DNAJC5B: variants seen among roughly 807,000 people sequenced by gnomAD.
DNAJC5B encodes the protein dnaJ homolog subfamily C member 5B.
Under a neutral mutation model 24.7 loss-of-function variants are expected in DNAJC5B, and 23 were observed. The observed-to-expected ratio is 0.93, with a 90% confidence interval of 0.67 to 1.32. DNAJC5B has a LOEUF of 1.32. DNAJC5B is among the 40% of genes most tolerant of loss of function. The probability of loss-of-function intolerance (pLI) is 0.00; values close to 1 mark genes in which losing one functional copy is unlikely to be tolerated. For missense variants in DNAJC5B, 238 were observed against 240.8 expected, an observed-to-expected ratio of 0.99 and a Z score of 0.08; for synonymous variants, 101 against 90.1, an observed-to-expected ratio of 1.12 and a Z score of -0.68.
Position 66,022,810 on chromosome 8 carries a change from A to G in DNAJC5B, c.-142+1105A>G, listed in dbSNP as rs192787798. ...CATAGCACACATTCAACTTCTGTACAGAAGTCACTGTGATTTTCACAATTA... is the reference window on the plus strand; with the variant it reads ...CATAGCACACATTCAACTTCTGTACGGAAGTCACTGTGATTTTCACAATTA... On this transcript the variant is annotated intron_variant, in intron 1 of 5. Transcript: ENST00000276570. 5.9e-5 allele frequency among the ~76,000 whole-genome samples: 9 copies of G among 152,366 alleles called. No homozygotes were observed. The East Asian group carries it at 7.7e-4, about 13-fold the overall frequency.
intron 1 of DNAJC5B, among the ~76,000 whole-genome samples, chr8:66,022,410 T>C (rs1464036101): frequency 1.3e-5 from 2 of 152,150 alleles, no homozygotes; most frequent in Non-Finnish European, 1.5e-5. Context: ...CTCATCCCCA[T>C]GTGGACTCCC....
At chr8:66,097,768 T>C (rs867082934) in intron 5 of DNAJC5B, among the ~76,000 whole-genome samples, 4 of 152,314 alleles carry the variant, frequency 2.6e-5, no homozygotes, top group Middle Eastern at 3.4e-3. Flanking sequence ...TTTCAATATG[T>C]TTTAGCTTCA....
At chr8:66,049,476 T>C (rs1806798476) in intron 2 of DNAJC5B, among the ~76,000 whole-genome samples, 1 of 152,222 alleles carries the variant, frequency 6.6e-6, no homozygotes, top group Non-Finnish European at 1.5e-5. Flanking sequence ...AAAAGTCGCC[T>C]ACAATACTCA....
chr8:66,027,338 A>G (rs1364587846), intron 1 of DNAJC5B, among the ~76,000 whole-genome samples: 2 of 152,196 alleles, frequency 1.3e-5, no homozygotes, highest in Admixed American at 1.3e-4. Context: ...TCTGGCCACC[A>G]TAATACTTGG....
At chr8:66,051,761 C>A in intron 3 of DNAJC5B, 95 bp downstream of exon 3, 2 of 882,286 alleles carry the variant, frequency 2.3e-6, no homozygotes, top group Non-Finnish European at 3.6e-6. Flanking sequence ...CTCACTAAGA[C>A]CAGTAATCCA....
At chr8:66,044,111 G>A (rs185673194) in intron 2 of DNAJC5B, among the ~76,000 whole-genome samples, 15 of 152,216 alleles carry the variant, frequency 9.9e-5, no homozygotes, top group Admixed American at 6.5e-4. Flanking sequence ...GTGCGAGCCC[G>A]GCCAAGAGCA....
rs775946389 is a variant in DNAJC5B, at chr8:66,076,863, G to A, written c.323G>A (p.Trp108Ter). ...NVNTYFMLSS[W>*]WAKALFVIVG... ...AACACCTACTTCATGCTGTCGAGCTGGTGGGCAAAGGTGAAACTGAATTTC... is the reference window on the plus strand; with the variant it reads ...AACACCTACTTCATGCTGTCGAGCTAGTGGGCAAAGGTGAAACTGAATTTC... The change falls in exon 4 of 6, where the codon TGG becomes TAG. Residue 108 changes from tryptophan (W) to a stop codon, truncating the protein, a stop_gained. Transcript: ENST00000276570. LOFTEE classifies it high-confidence loss of function. The A allele has an allele frequency of 1.9e-6, 3 of 1,614,070 alleles. No homozygotes were observed. Among genetic ancestry groups the A allele is most frequent in the Non-Finnish European group, 2.5e-6 (3 of 1,179,978 alleles).
chr8:66,077,577 G>A lies in DNAJC5B; in HGVS notation c.333+704G>A, dbSNP rs190559763. Among the ~76,000 whole-genome samples, 38 of 152,234 alleles carry A rather than the reference G, an allele frequency of 2.5e-4. 1 individual carries two copies. The East Asian group carries it at 4.2e-3, about 17-fold the overall frequency. On this transcript the variant is annotated intron_variant, in intron 4 of 5. Coordinates refer to ENST00000276570, the MANE Select transcript of DNAJC5B (RefSeq NM_033105.6). ...GTGAATATTAATATCCTTATCTTCT[G>A]ATAAAACTATGTTTACACATGGGTC... is the stretch of plus-strand genomic sequence containing the variant.
intron 3 of DNAJC5B, among the ~76,000 whole-genome samples, chr8:66,052,831 A>G (rs56242306): frequency 0.014 from 2,181 of 152,300 alleles, 26 homozygotes; most frequent in Non-Finnish European, 0.022. Context: ...TAGTTGGAGG[A>G]AGAAAGATGT....
chr8:66,095,757 A>G (rs1207721318), intron 5 of DNAJC5B, among the ~76,000 whole-genome samples: 1 of 148,230 alleles, frequency 6.7e-6, no homozygotes, highest in Non-Finnish European at 1.5e-5. Context: ...TTCTATTATG[A>G]TTTTTTCTTT....
intron 2 of DNAJC5B, 59 bp from the exon 3 acceptor site, chr8:66,051,472 C>A: frequency 1.0e-6 from 1 of 960,588 alleles, no homozygotes; most frequent in Non-Finnish European, 1.6e-6. Context: ...GAGCTGTCTT[C>A]CCCTTTAGAG....
At chr8:66,066,245 G>A (rs1807190602) in intron 3 of DNAJC5B, among the ~76,000 whole-genome samples, 1 of 152,156 alleles carries the variant, frequency 6.6e-6, no homozygotes, top group Non-Finnish European at 1.5e-5. Flanking sequence ...GTTGGCACAG[G>A]TGTGGTGAAA....
At chr8:66,073,505 GTGTA>G (rs1416128002) in intron 3 of DNAJC5B, among the ~76,000 whole-genome samples, 2 of 150,874 alleles carry the variant, frequency 1.3e-5, no homozygotes, top group Non-Finnish European at 2.9e-5. Context: ...GTGTGTGTGT[GTGTA>G]TGTGTGTGTG....
In DNAJC5B at chr8:66,100,868, AT is replaced by A. The variant is rs1808059537; in HGVS notation, c.*842del. On this transcript the variant is annotated 3_prime_UTR_variant, in exon 6 of 6. Coordinates refer to ENST00000276570, the MANE Select transcript of DNAJC5B (RefSeq NM_033105.6). ...TTTACACCAAAACATGTATCACCTC[AT>A]TTTTGTTAAAATTAGTTGCCTTGAC... Among the ~76,000 whole-genome samples the A allele has an allele frequency of 6.6e-6, 1 of 152,170 alleles. No homozygotes were observed. Among genetic ancestry groups the A allele is most frequent in the South Asian group, 2.1e-4 (1 of 4,830 alleles).
chr8:66,060,501 G>A (rs1586089967), intron 3 of DNAJC5B, among the ~76,000 whole-genome samples: 2 of 152,288 alleles, frequency 1.3e-5, no homozygotes, highest in Non-Finnish European at 2.9e-5. Flanking sequence ...AACAATGGGC[G>A]ACAATGACTC....
At chr8:66,037,885 C>T (rs1806523396) in intron 1 of DNAJC5B, among the ~76,000 whole-genome samples, 1 of 152,120 alleles carries the variant, frequency 6.6e-6, no homozygotes, top group Admixed American at 6.5e-5. Context: ...GTGACCTCCA[C>T]CAGCAAGTTG....
At chr8:66,074,403 T>A (rs1807416748) in intron 3 of DNAJC5B, among the ~76,000 whole-genome samples, 1 of 152,268 alleles carries the variant, frequency 6.6e-6, no homozygotes, top group South Asian at 2.1e-4. Flanking sequence ...ATTATAACTA[T>A]AAACCACATG....
At chr8:66,034,447 G>A (rs1806436145) in intron 1 of DNAJC5B, among the ~76,000 whole-genome samples, 1 of 151,998 alleles carries the variant, frequency 6.6e-6, no homozygotes, top group East Asian at 1.9e-4. Flanking sequence ...AGTTACAATG[G>A]TGATCTCAGA....
intron 3 of DNAJC5B, among the ~76,000 whole-genome samples, chr8:66,063,454 A>G (rs1807125951): frequency 6.6e-6 from 1 of 152,238 alleles, no homozygotes; most frequent in Non-Finnish European, 1.5e-5. Flanking sequence ...ATTCAAGCTC[A>G]CAAGATTAAT....
Sources: gnomAD v4.1 joint callset for allele counts (sites outside exome capture counted in the v4.1 genomes callset) on GRCh38, gnomAD v4.1.1 for gene constraint, MANE v1.5 for transcripts, NCBI Gene and HGNC (gene_info 2026-07-23, HGNC 2026-07-21) for gene names.